Variants in GFOD1 observed in about 807,000 individuals in gnomAD.
GFOD1 encodes Gfo/Idh/MocA-like oxidoreductase domain containing 1.
A neutral mutation model predicts 25.4 loss-of-function variants in GFOD1; 9 were observed. The observed-to-expected ratio is 0.35, with a 90% CI of 0.21 to 0.62. The LOEUF (loss-of-function observed/expected upper bound fraction) is 0.62. Among genes scored for constraint, GFOD1 ranks in the 20% least tolerant of loss-of-function variants. The pLI, the probability that GFOD1 is intolerant of heterozygous loss-of-function variation, is 0.72. For synonymous variants in GFOD1, 253 were observed against 245.6 expected (o/e 1.03, Z -0.28); for missense variants, 403 against 556.9 (o/e 0.72, Z 2.78).
intron 1 of GFOD1, among the ~76,000 whole-genome samples, chr6:13,427,449 C>T (rs1299404261): frequency 3.3e-5 from 5 of 152,150 alleles, no homozygotes; most frequent in Non-Finnish European, 7.4e-5. Context: ...CCCTTGAGCC[C>T]AGGAGTTTGA....
chr6:13,384,884 C>T (rs1785434282), intron 1 of GFOD1, among the ~76,000 whole-genome samples: 1 of 152,182 alleles, frequency 6.6e-6, no homozygotes, highest in Non-Finnish European at 1.5e-5. Context: ...AGCAGACTTC[C>T]TTGCCCATGA....
chr6:13,365,645 T>C lies in GFOD1; in HGVS notation c.271A>G (p.Ile91Val). 1 of 1,595,788 alleles carries C rather than the reference T, an allele frequency of 6.3e-7. No individual in the cohort carries two copies. The highest frequency in any genetic ancestry group is 1.1e-5 in the South Asian group (1 of 90,994). Residue 91 changes from isoleucine (I) to valine (V), a missense_variant, in exon 2 of 2, where the codon ATC becomes GTC. Physicochemically the swap from Ile to Val is conservative, Grantham distance 29. Transcript: ENST00000379287. This position sits in a 1 kb window ranked among gnomAD's most constrained non-coding sequence, Gnocchi z 9.2. The stretch of plus-strand genomic sequence containing the variant: ...AGCGGCGTGGCCGTGCGGTCGCAGA[T>C]GACGTTCTTGCCGATGCCTGCGGGT... ...VKTLGIGKNV[I>V]CDRTATPLDA...
chr6:13,395,435 G>A (rs1785711443), intron 1 of GFOD1, among the ~76,000 whole-genome samples: 1 of 152,124 alleles, frequency 6.6e-6, no homozygotes, highest in East Asian at 1.9e-4. Context: ...AGGGGATCTT[G>A]TTTTTCCTTT....
At position 13,487,140 on chromosome 6, in the gene GFOD1, C is replaced by CG. The variant is rs1005017289; in HGVS notation, c.-251dup. The CG allele has an allele frequency of 2.2e-6, 1 of 457,612 alleles. No individual in the cohort carries two copies. The highest frequency in any genetic ancestry group is 2.1e-5 in the African/African-American group (1 of 48,444). The allele number at this position is 457,612 out of a possible 1,614,324, so 28.3% of individuals were successfully genotyped here. On this transcript the variant is annotated 5_prime_UTR_variant, in exon 1 of 2. The change abolishes the stop of an existing upstream ORF in the 5' untranslated region. Coordinates refer to ENST00000379287, the MANE Select transcript of GFOD1 (RefSeq NM_018988.4). The surrounding 1 kb of genome is among the most constrained non-coding windows in gnomAD (Gnocchi z 4.9). The stretch of plus-strand genomic sequence containing the variant: ...GCGGGGCTCGCGTCCTTCCCGGAGT[C>CG]GGCGGCAGGGACCCCCCCAGGGCGC...
rs991975073 is a variant in GFOD1 at position 13,434,089 on chromosome 6, C to T, written c.253+52549G>A. Among the ~76,000 whole-genome samples, 30 of 152,136 alleles carry T rather than the reference C, an allele frequency of 2.0e-4. 1 individual carries two copies. Among genetic ancestry groups the T allele is most frequent in the Middle Eastern group, 3.2e-3 (1 of 316 alleles). ...GGGCAAGTGGAGGCCACAATGGGAACGGGGAAGTCAAGGACAGGGCATTAT... is the reference window on the plus strand; with the variant it reads ...GGGCAAGTGGAGGCCACAATGGGAATGGGGAAGTCAAGGACAGGGCATTAT... On this transcript the variant is annotated intron_variant, in intron 1 of 1. Coordinates refer to ENST00000379287, the MANE Select transcript of GFOD1 (RefSeq NM_018988.4).
At chr6:13,386,126 A>G (rs1785469298) in intron 1 of GFOD1, among the ~76,000 whole-genome samples, 1 of 144,436 alleles carries the variant, frequency 6.9e-6, no homozygotes, top group Non-Finnish European at 1.5e-5. Context: ...CAATGGCACT[A>G]TCTAGGCTCA....
rs79013768 is a variant in GFOD1, at chr6:13,423,723, T to C, written c.254-58061A>G. Among the ~76,000 whole-genome samples the C allele has an allele frequency of 6.9e-3, 1,049 of 152,348 alleles. 11 individuals carry two copies. The highest frequency in any genetic ancestry group is 0.023 in the African/African-American group (937 of 41,578). On this transcript the variant is annotated intron_variant, in intron 1 of 1. Transcript: ENST00000379287. ...GATATGGAAGGCATCCTCTTCCCAC[T>C]ACATGGCCCTACATGAAGTTCCTTC...
At chr6:13,437,110 T>C (rs1757845996) in intron 1 of GFOD1, among the ~76,000 whole-genome samples, 1 of 152,128 alleles carries the variant, frequency 6.6e-6, no homozygotes, top group Non-Finnish European at 1.5e-5. Flanking sequence ...CTGACCCAAA[T>C]GAGGTGGGTC....
At chr6:13,420,250 A>G (rs1371628661) in intron 1 of GFOD1, among the ~76,000 whole-genome samples, 1 of 152,134 alleles carries the variant, frequency 6.6e-6, no homozygotes, top group Non-Finnish European at 1.5e-5. Flanking sequence ...ATATCCTCCC[A>G]TCTACCCATG....
chr6:13,408,170 T>G (rs476138), intron 1 of GFOD1: 562,178 of 801,810 alleles, frequency 0.7, 204,945 homozygotes, highest in Non-Finnish European at 0.74. Context: ...GGCAATAGCC[T>G]CTGCCTGATC....
intron 1 of GFOD1, among the ~76,000 whole-genome samples, chr6:13,375,437 C>A (rs569085604): frequency 1.3e-5 from 2 of 152,202 alleles, no homozygotes; most frequent in African/African-American, 4.8e-5. Context: ...ATGGGAGGCC[C>A]GATGTTCTGC....
intron 1 of GFOD1, among the ~76,000 whole-genome samples, chr6:13,388,779 G>T (rs576544233): frequency 6.6e-6 from 1 of 152,200 alleles, no homozygotes; most frequent in East Asian, 1.9e-4. Flanking sequence ...TAATTAAACT[G>T]AAAAGTTTCT....
At chr6:13,380,578 T>C (rs902160320) in intron 1 of GFOD1, among the ~76,000 whole-genome samples, 3 of 152,258 alleles carry the variant, frequency 2.0e-5, no homozygotes, top group South Asian at 2.1e-4. Flanking sequence ...TGTGTTGGCA[T>C]TGCTGGCTGG....
intron 1 of GFOD1, among the ~76,000 whole-genome samples, chr6:13,463,068 G>A (rs570105554): frequency 6.6e-6 from 1 of 152,336 alleles, no homozygotes; most frequent in African/African-American, 2.4e-5. Context: ...AACTGAAAGG[G>A]AAGAAGGACC....
At chr6:13,395,083 A>G (rs940675468) in intron 1 of GFOD1, among the ~76,000 whole-genome samples, 3 of 152,128 alleles carry the variant, frequency 2.0e-5, no homozygotes, top group Admixed American at 6.5e-5. Context: ...GTGCCTGGCT[A>G]GGTTTCTTTC....
At chr6:13,369,063 T>G (rs1390075875) in intron 1 of GFOD1, among the ~76,000 whole-genome samples, 1 of 152,238 alleles carries the variant, frequency 6.6e-6, no homozygotes, top group Non-Finnish European at 1.5e-5. Context: ...CTAATATATA[T>G]GATATGGCTC....
intron 1 of GFOD1, among the ~76,000 whole-genome samples, chr6:13,456,155 T>C (rs748591539): frequency 3.3e-5 from 5 of 152,154 alleles, no homozygotes; most frequent in Non-Finnish European, 7.3e-5. Flanking sequence ...TCCTTTAGCT[T>C]TTTAAAGTTT....
At chr6:13,434,289 AG>A (rs1237347419) in intron 1 of GFOD1, among the ~76,000 whole-genome samples, 1 of 150,356 alleles carries the variant, frequency 6.7e-6, no homozygotes, top group African/African-American at 2.5e-5. Flanking sequence ...AGTCAAGTGC[AG>A]GGCTTTATGG....
intron 1 of GFOD1, among the ~76,000 whole-genome samples, chr6:13,459,742 T>C (rs1758259614): frequency 6.6e-6 from 1 of 152,018 alleles, no homozygotes; most frequent in Non-Finnish European, 1.5e-5. Context: ...AACAAACATA[T>C]GAAAAAAAGC....
Sources: gnomAD v4.1 joint callset for allele counts (sites outside exome capture counted in the v4.1 genomes callset) on GRCh38, gnomAD v4.1.1 for gene constraint, Gnocchi (gnomAD v3.1) non-coding constraint, MANE v1.5 for transcripts, NCBI Gene and HGNC (gene_info 2026-07-23, HGNC 2026-07-21) for gene names.